The following TCEA1 variants were observed in gnomAD, a reference collection of about 807,000 sequenced individuals.
TCEA1 encodes the protein transcription elongation factor A protein 1.
TCEA1 carries 21 observed loss-of-function variants against 43.8 expected under a neutral mutation model. The ratio of observed to expected loss-of-function variants is 0.48; its 90% CI spans 0.34 to 0.69. The LOEUF is 0.69. Among genes scored for constraint, TCEA1 ranks in the 30% least tolerant of loss-of-function variants. The pLI, the probability that TCEA1 is intolerant of heterozygous loss-of-function variation, is 0.01. For synonymous variants in TCEA1, 104 were observed against 117.5 expected, an observed-to-expected ratio of 0.88 and a Z score of 0.75; for missense variants, 250 against 365.1, an observed-to-expected ratio of 0.68 and a Z score of 2.57.
At chr8:53,978,267 A>G (rs893060614) in intron 8 of TCEA1, among the ~76,000 whole-genome samples, 2 of 152,166 alleles carry the variant, frequency 1.3e-5, no homozygotes, top group African/African-American at 4.8e-5. Context: ...TTTAAAAAAA[A>G]TCATTCTTAC....
At chr8:53,983,468 T>G (rs1803582195) in intron 7 of TCEA1, among the ~76,000 whole-genome samples, 1 of 152,254 alleles carries the variant, frequency 6.6e-6, no homozygotes. Flanking sequence ...AATTTCATTT[T>G]TTCCATAATT....
chr8:53,972,680 T>G, intron 8 of TCEA1: 1 of 632,322 alleles, frequency 1.6e-6, no homozygotes. Context: ...AGCTATTAAG[T>G]GTTCCTGAAG....
intron 1 of TCEA1, 83 bp downstream of exon 1, chr8:54,021,980 G>A (rs1395324788): frequency 6.2e-6 from 8 of 1,293,692 alleles, no homozygotes; most frequent in African/African-American, 3.1e-5. Flanking sequence ...GGGGAGGGGA[G>A]GGAGAAGGAG....
At chr8:54,016,931 G>A (rs1413204373) in intron 1 of TCEA1, among the ~76,000 whole-genome samples, 5 of 137,730 alleles carry the variant, frequency 3.6e-5, no homozygotes, top group South Asian at 2.4e-4. Context: ...CCGAGATCGC[G>A]CCACTGCACT....
chr8:53,973,852 A>G (rs911572060), intron 8 of TCEA1: 1 of 360,400 alleles, frequency 2.8e-6, no homozygotes, highest in Non-Finnish European at 5.3e-6. Flanking sequence ...CAAAGAGAAC[A>G]GAAAAAACAA....
chr8:54,018,061 A>T (rs1253606019), intron 1 of TCEA1, among the ~76,000 whole-genome samples: 6 of 152,234 alleles, frequency 3.9e-5, no homozygotes, highest in Non-Finnish European at 8.8e-5. Flanking sequence ...TGTTATTAAA[A>T]ATTGTATAGT....
At chr8:53,993,865 CAAGT>C in intron 3 of TCEA1, 110 bp from the exon 4 acceptor site, 1 of 843,434 alleles carries the variant, frequency 1.2e-6, no homozygotes, top group Non-Finnish European at 1.9e-6. Context: ...AAGTTTCCTA[CAAGT>C]AGATGAAGTT....
In TCEA1 at chr8:53,977,366, C is replaced by T. The variant is rs151117228; in HGVS notation, c.825+1659G>A. Among the ~76,000 whole-genome samples, 652 of 152,240 alleles carry T rather than the reference C, an allele frequency of 4.3e-3. 3 individuals carry two copies. Among genetic ancestry groups the T allele is most frequent in the African/African-American group, 0.014 (579 of 41,548 alleles). ...TATTTGCATGTATACACATAAAATACCTAAGTTTCACAACAAACTAGTAAC... is the reference window on the plus strand; with the variant it reads ...TATTTGCATGTATACACATAAAATATCTAAGTTTCACAACAAACTAGTAAC... On this transcript the variant is annotated intron_variant, in intron 8 of 9. Coordinates refer to ENST00000521604, the MANE Select transcript of TCEA1 (RefSeq NM_006756.4).
chr8:54,014,507 C>T (rs1047296101), intron 1 of TCEA1, among the ~76,000 whole-genome samples: 2 of 152,168 alleles, frequency 1.3e-5, no homozygotes, highest in East Asian at 3.8e-4. Context: ...GCATCTCCTA[C>T]AGATGATGCA....
chr8:54,021,600 A>T (rs888627218), intron 1 of TCEA1: 1 of 153,466 alleles, frequency 6.5e-6, no homozygotes, highest in African/African-American at 2.4e-5. Context: ...CAAAAATAAG[A>T]CACAGAAGTT....
At chr8:53,993,391 T>C (rs1404694305) in intron 4 of TCEA1, 9 of 241,398 alleles carry the variant, frequency 3.7e-5, no homozygotes, top group Non-Finnish European at 6.2e-5. Context: ...ACCTCCATTA[T>C]CAATTCCATC....
At chr8:54,012,630 G>T (rs1470474442) in intron 1 of TCEA1, among the ~76,000 whole-genome samples, 11 of 152,128 alleles carry the variant, frequency 7.2e-5, no homozygotes, top group African/African-American at 2.7e-4. Context: ...ATCCTGCTGG[G>T]GGTATTATGT....
At chr8:53,987,154 A>C in intron 5 of TCEA1, 129 bp from the exon 6 acceptor site, 1 of 776,274 alleles carries the variant, frequency 1.3e-6, no homozygotes, top group East Asian at 2.7e-5. Flanking sequence ...CGTTCAGTTT[A>C]GTTCGTTAGA....
intron 4 of TCEA1, among the ~76,000 whole-genome samples, chr8:53,992,426 A>G (rs1803911447): frequency 6.6e-6 from 1 of 152,076 alleles, no homozygotes. Context: ...CAGCCTGGCC[A>G]ACATAGCAAA....
At chr8:54,007,730 C>T (rs920338856) in intron 2 of TCEA1, among the ~76,000 whole-genome samples, 3 of 152,122 alleles carry the variant, frequency 2.0e-5, no homozygotes, top group Non-Finnish European at 4.4e-5. Context: ...ACCCCCACCA[C>T]CTTTCCCTAA....
intron 3 of TCEA1, among the ~76,000 whole-genome samples, chr8:53,994,623 C>T (rs193009380): frequency 6.6e-5 from 10 of 152,136 alleles, no homozygotes; most frequent in Admixed American, 1.3e-4. Context: ...AATCCCAGCA[C>T]TTTGGAAGGC....
At chr8:53,984,589 T>C in intron 6 of TCEA1, 72 bp from the exon 7 acceptor site, 1 of 1,370,672 alleles carries the variant, frequency 7.3e-7, no homozygotes, top group Non-Finnish European at 9.7e-7. Context: ...TCTGCCAAAA[T>C]AAGAATTCCT....
intron 4 of TCEA1, 101 bp from the exon 5 acceptor site, chr8:53,988,360 A>C: frequency 7.2e-7 from 1 of 1,394,382 alleles, no homozygotes; most frequent in Non-Finnish European, 9.6e-7. Flanking sequence ...GGTCTAAATA[A>C]ATGACACAGT....
Position 54,003,902 on chromosome 8 carries a change from G to C in TCEA1, c.127-3852C>G, listed in dbSNP as rs774812136. Among the ~76,000 whole-genome samples, 6 of 150,808 alleles carry C rather than the reference G, an allele frequency of 4.0e-5. No individual in the cohort carries two copies. In the South Asian group the frequency reaches 1.1e-3, roughly 27 times the overall value. ...AAACTCTATGTCTGATAAGCGACTT[G>C]TATTTGGAATATATAAAGAACTATT... On this transcript the variant is annotated intron_variant, in intron 2 of 9. Coordinates refer to ENST00000521604, the MANE Select transcript of TCEA1 (RefSeq NM_006756.4).
Sources: gnomAD v4.1 joint callset for allele counts (sites outside exome capture counted in the v4.1 genomes callset) on GRCh38, gnomAD v4.1.1 for gene constraint, MANE v1.5 for transcripts, NCBI Gene and HGNC (gene_info 2026-07-23, HGNC 2026-07-21) for gene names.